Variants in RGL1 observed in about 807,000 individuals in gnomAD.
RGL1 encodes ral guanine nucleotide dissociation stimulator-like 1.
RGL1 carries 24 observed loss-of-function variants against 95.2 expected under a neutral mutation model. The ratio of observed to expected loss-of-function variants is 0.25; its 90% CI spans 0.18 to 0.35. The LOEUF is 0.35. Ranked by LOEUF, RGL1 falls within the 10% of genes least tolerant of loss-of-function variation. The pLI is 1.00. For synonymous variants in RGL1, 329 were observed against 344.9 expected, an observed-to-expected ratio of 0.95 and a Z score of 0.51; for missense variants, 715 against 936.3, an observed-to-expected ratio of 0.76 and a Z score of 3.08.
intron 5 of RGL1, 114 bp from the exon 6 acceptor site, chr1:183,883,672 C>A: frequency 1.8e-6 from 2 of 1,135,076 alleles, no homozygotes; most frequent in Non-Finnish European, 2.6e-6. Flanking sequence ...CTCCCTGTGG[C>A]TGTTCTGGAG....
intron 2 of RGL1, among the ~76,000 whole-genome samples, chr1:183,810,840 G>T (rs953963270): frequency 4.6e-5 from 7 of 152,150 alleles, no homozygotes; most frequent in Non-Finnish European, 8.8e-5. Flanking sequence ...CTCTGGATGA[G>T]GCGTCCCTTC....
intron 2 of RGL1, among the ~76,000 whole-genome samples, chr1:183,794,184 G>C (rs1411827512): frequency 2.0e-5 from 3 of 152,030 alleles, no homozygotes; most frequent in African/African-American, 7.2e-5. Context: ...AAATGAGCCA[G>C]GCACAGAAAG....
chr1:183,749,692 C>G (rs1657872999), intron 2 of RGL1, among the ~76,000 whole-genome samples: 2 of 152,178 alleles, frequency 1.3e-5, no homozygotes, highest in Non-Finnish European at 2.9e-5. Flanking sequence ...TTTGCAGTGG[C>G]TGGTACAGGT....
At chr1:183,667,346 C>T (rs540058400) in intron 1 of RGL1, among the ~76,000 whole-genome samples, 2 of 151,908 alleles carry the variant, frequency 1.3e-5, no homozygotes, top group South Asian at 2.1e-4. Context: ...TTTTTTGAGA[C>T]GGAGTTTTGC....
At chr1:183,643,285 T>TA (rs1448071521) in intron 1 of RGL1, among the ~76,000 whole-genome samples, 1 of 150,536 alleles carries the variant, frequency 6.6e-6, no homozygotes, top group Non-Finnish European at 1.5e-5. Context: ...TTTATTTATT[T>TA]ATTTATTTAT....
chr1:183,734,214 A>G (rs1482281688), intron 1 of RGL1, among the ~76,000 whole-genome samples: 3 of 152,190 alleles, frequency 2.0e-5, no homozygotes, highest in Admixed American at 2.0e-4. Context: ...TCCCGTGAGA[A>G]GTCCACCTCT....
At position 183,907,049 on chromosome 1, in the gene RGL1, G is replaced by A. The variant is rs776125066; in HGVS notation, c.1510G>A (p.Ala504Thr). 2.5e-6 allele frequency: 4 copies of A among 1,612,262 alleles called. No individual in the cohort carries two copies. The highest frequency in any genetic ancestry group is 1.3e-5 in the African/African-American group (1 of 74,978). ...LSCEIEAAAD[A>T]STTSPKPRKS... is the part of the protein sequence containing the mutation. ...ATGTGAGATTGAAGCAGCTGCTGAC[G>A]CCAGCACCACCTCGCCCAAGCCTCG... Residue 504 changes from alanine to threonine, a missense_variant, in exon 14 of 18, where the codon GCC becomes ACC. This residue lies in a region of RGL1 where 330 missense variants were observed against 429.6 expected (regional missense o/e 0.77). Coordinates refer to ENST00000360851, the MANE Select transcript of RGL1 (RefSeq NM_001297671.3).
At chr1:183,891,736 T>G (rs907306836) in intron 8 of RGL1, among the ~76,000 whole-genome samples, 1 of 40,912 alleles carries the variant, frequency 2.4e-5, no homozygotes, top group African/African-American at 1.3e-4. Flanking sequence ...TGTAACAGTT[T>G]TTTTTTTTTT....
chr1:183,757,759 C>T (rs1300156415), intron 2 of RGL1, among the ~76,000 whole-genome samples: 1 of 152,146 alleles, frequency 6.6e-6, no homozygotes, highest in Admixed American at 6.5e-5. Flanking sequence ...TCATTTTACT[C>T]ATAAGGATTA....
At chr1:183,691,748 A>G (rs1333905616) in intron 1 of RGL1, among the ~76,000 whole-genome samples, 1 of 152,136 alleles carries the variant, frequency 6.6e-6, no homozygotes, top group Non-Finnish European at 1.5e-5. Context: ...TAATTGGAGG[A>G]CCTGAGAAAT....
Position 183,775,487 on chromosome 1 carries a change from C to G in RGL1, c.133-30888C>G, listed in dbSNP as rs148669264. Among the ~76,000 whole-genome samples, 176 of 152,342 alleles carry G rather than the reference C, an allele frequency of 1.2e-3. No individual in the cohort carries two copies. The Middle Eastern group carries it at 0.024, about 21-fold the overall frequency. On this transcript the variant is annotated intron_variant, in intron 2 of 18. Coordinates refer to the RGL1 transcript ENST00000304685. ...TGAGTAACTTATGTGAAAGCACATT[C>G]TCTGGCTCAAGTAGTTCAAGTTACT...
chr1:183,885,335 C>T (rs1667053663), intron 7 of RGL1, among the ~76,000 whole-genome samples: 2 of 152,202 alleles, frequency 1.3e-5, no homozygotes, highest in South Asian at 4.1e-4. Context: ...AGAGTGATTA[C>T]CTATGCCCCC....
intron 2 of RGL1, among the ~76,000 whole-genome samples, chr1:183,816,109 C>G (rs1306183203): frequency 2.0e-5 from 3 of 152,188 alleles, no homozygotes; most frequent in Non-Finnish European, 4.4e-5. Flanking sequence ...TCTCTGGCTC[C>G]TTGCATAATG....
intron 9 of RGL1, among the ~76,000 whole-genome samples, chr1:183,896,101 C>T (rs904276147): frequency 3.9e-5 from 6 of 152,202 alleles, no homozygotes; most frequent in South Asian, 2.1e-4. Flanking sequence ...ACCTACACAC[C>T]GGAAAGAGGT....
intron 2 of RGL1, among the ~76,000 whole-genome samples, chr1:183,793,750 A>AG (rs1473208674): frequency 1.3e-5 from 2 of 152,114 alleles, no homozygotes; most frequent in Non-Finnish European, 2.9e-5. Flanking sequence ...AAAATAATAA[A>AG]TGCTGGTGAG....
chr1:183,915,984 TATA>T (rs755916455), intron 15 of RGL1, among the ~76,000 whole-genome samples: 83 of 152,200 alleles, frequency 5.5e-4, no homozygotes, highest in Non-Finnish European at 7.6e-4. Context: ...TGCAGAGCCG[TATA>T]ATCTGGGGTA....
At chr1:183,805,373 T>C (rs777003775) in intron 1 of RGL1, 49 bp downstream of exon 1, 1 of 1,526,766 alleles carries the variant, frequency 6.5e-7, no homozygotes, top group Non-Finnish European at 9.0e-7. Flanking sequence ...GTGGGGAATC[T>C]TCTCCCGCTT....
At chr1:183,721,004 T>G (rs926198844) in intron 1 of RGL1, among the ~76,000 whole-genome samples, 2 of 152,162 alleles carry the variant, frequency 1.3e-5, no homozygotes, top group African/African-American at 4.8e-5. Context: ...AAAAAACCCC[T>G]GAGATATCCT....
At chr1:183,753,471 G>C (rs1658147828) in intron 2 of RGL1, among the ~76,000 whole-genome samples, 1 of 152,090 alleles carries the variant, frequency 6.6e-6, no homozygotes, top group Non-Finnish European at 1.5e-5. Context: ...TGAGACTCTT[G>C]GCTAAGAGCA....
Sources: gnomAD v4.1 joint callset for allele counts (sites outside exome capture counted in the v4.1 genomes callset) on GRCh38, gnomAD v4.1.1 for gene constraint, gnomAD v4.1.1 regional missense constraint, MANE v1.5 for transcripts, NCBI Gene and HGNC (gene_info 2026-07-23, HGNC 2026-07-21) for gene names.